The following SLC28A1 variants were observed in gnomAD, a reference collection of about 807,000 sequenced individuals.
The protein encoded by SLC28A1 is sodium/nucleoside cotransporter 1.
A neutral mutation model predicts 74.8 loss-of-function variants in SLC28A1; 64 were observed. The ratio of observed to expected loss-of-function variants is 0.86; its 90% CI spans 0.70 to 1.05. The LOEUF is 1.05. SLC28A1 is among the 50% of genes least tolerant of loss of function. The probability of loss-of-function intolerance (pLI) is 0.00; values close to 1 mark genes in which losing one functional copy is unlikely to be tolerated. For missense variants in SLC28A1, 828 were observed against 822.8 expected, an observed-to-expected ratio of 1.01 and a Z score of -0.08; for synonymous variants, 359 against 335.0, an observed-to-expected ratio of 1.07 and a Z score of -0.78.
chr15:84,908,183 T>TC (rs932907181), intron 8 of SLC28A1, among the ~76,000 whole-genome samples: 2 of 94,428 alleles, frequency 2.1e-5, no homozygotes, highest in Admixed American at 9.7e-5. Flanking sequence ...CATTTCTTTT[T>TC]TTTTTTTTTT....
chr15:84,964,205 C>G, the SLC28A1 span, among the ~76,000 whole-genome samples: 9 of 152,052 alleles, frequency 5.9e-5, no homozygotes, highest in East Asian at 1.7e-3. Flanking sequence ...TTGTTTAAAA[C>G]AGTATCTTTA....
chr15:84,923,540 C>T (rs1970112556), intron 11 of SLC28A1, among the ~76,000 whole-genome samples: 1 of 152,110 alleles, frequency 6.6e-6, no homozygotes, highest in South Asian at 2.1e-4. Flanking sequence ...TCATCCAATG[C>T]CCAAGCTCCT....
the SLC28A1 span, among the ~76,000 whole-genome samples, chr15:84,961,258 G>T: frequency 2.6e-5 from 4 of 152,136 alleles, no homozygotes; most frequent in South Asian, 4.2e-4. Context: ...TTTCAGCCTG[G>T]ATTTCAGGAT....
rs575624723 is a variant in SLC28A1 at position 84,932,402 on chromosome 15, G to T, written c.1084-743G>T. ...ACTTCAGGAAGGGAGAATCCCAGGG[G>T]CTGACATTGCTCTGCCATCTTGCTG... On this transcript the variant is annotated intron_variant, in intron 12 of 18. Transcript: ENST00000394573. 5.3e-5 allele frequency among the ~76,000 whole-genome samples: 8 copies of T among 152,302 alleles called. No homozygotes were observed. The South Asian group carries it at 1.7e-3, about 32-fold the overall frequency.
the SLC28A1 span, among the ~76,000 whole-genome samples, chr15:84,965,439 C>T: frequency 8.3e-4 from 126 of 152,274 alleles, 1 homozygote; most frequent in Non-Finnish European, 1.5e-3. Flanking sequence ...ATGGAAGTCT[C>T]CTCTCTGGAT....
chr15:84,906,387 C>G (rs546639666), intron 8 of SLC28A1, among the ~76,000 whole-genome samples: 1 of 152,208 alleles, frequency 6.6e-6, no homozygotes, highest in Admixed American at 6.5e-5. Flanking sequence ...GTGGATATGG[C>G]TCACTGCAGC....
the SLC28A1 span, among the ~76,000 whole-genome samples, chr15:84,955,841 C>T: frequency 6.6e-6 from 1 of 152,246 alleles, no homozygotes; most frequent in East Asian, 1.9e-4. Flanking sequence ...CCCCTAGGTG[C>T]GGCTCAATTT....
chr15:84,912,577 T>C (rs1003782642), intron 9 of SLC28A1, among the ~76,000 whole-genome samples: 3 of 152,140 alleles, frequency 2.0e-5, no homozygotes, highest in African/African-American at 4.8e-5. Context: ...TCCACCCGCA[T>C]GATCATACTC....
chr15:84,922,104 C>T (rs973137158), intron 11 of SLC28A1, among the ~76,000 whole-genome samples: 1 of 152,142 alleles, frequency 6.6e-6, no homozygotes, highest in Non-Finnish European at 1.5e-5. Flanking sequence ...ATCATTTGAA[C>T]CTCTCTACTT....
chr15:84,911,882 A>T (rs1338704892), intron 9 of SLC28A1, among the ~76,000 whole-genome samples: 2 of 150,168 alleles, frequency 1.3e-5, no homozygotes, highest in Non-Finnish European at 3.0e-5. Context: ...AAAAAAGAAG[A>T]AGAAGAAGAA....
chr15:84,974,144 G>A, the SLC28A1 span, among the ~76,000 whole-genome samples: 10 of 152,256 alleles, frequency 6.6e-5, 1 homozygote, highest in East Asian at 7.7e-4. Context: ...CGATCGTTGC[G>A]GCTGACATTT....
At chr15:84,971,163 G>C in the SLC28A1 span, among the ~76,000 whole-genome samples, 1 of 152,228 alleles carries the variant, frequency 6.6e-6, no homozygotes, top group South Asian at 2.1e-4. Flanking sequence ...GTATCAGTCA[G>C]TGGCCAGCCA....
chr15:84,943,070 C>T (rs985709078), intron 15 of SLC28A1, among the ~76,000 whole-genome samples: 1 of 152,126 alleles, frequency 6.6e-6, no homozygotes, highest in Non-Finnish European at 1.5e-5. Flanking sequence ...CCTATAATCC[C>T]AGCTACTCGG....
At chr15:84,946,110 A>ATTTTT (rs1382844934), downstream of SLC28A1, among the ~76,000 whole-genome samples, 49 of 9,590 alleles carry the variant, frequency 5.1e-3, 1 homozygote, top group African/African-American at 0.014. Flanking sequence ...ATATATATAT[A>ATTTTT]TATTTTTTTT....
the SLC28A1 span, among the ~76,000 whole-genome samples, chr15:84,958,644 C>G: frequency 6.6e-6 from 1 of 152,074 alleles, no homozygotes; most frequent in Non-Finnish European, 1.5e-5. Flanking sequence ...GCTTTGGTCT[C>G]TCAGACTCAA....
intron 12 of SLC28A1, chr15:84,926,425 A>G (rs1343779038): frequency 2.7e-6 from 1 of 368,156 alleles, no homozygotes; most frequent in Non-Finnish European, 5.3e-6. Flanking sequence ...CTGGTCTTGA[A>G]CTCCTGGGCT....
the SLC28A1 span, among the ~76,000 whole-genome samples, chr15:84,963,668 G>A: frequency 6.6e-6 from 1 of 152,330 alleles, no homozygotes; most frequent in South Asian, 2.1e-4. Flanking sequence ...CACCAGGCCA[G>A]TCCATGATGG....
chr15:84,884,776 G>A (rs1165606518), intron 1 of SLC28A1, 25 bp downstream of exon 1: 3 of 981,938 alleles, frequency 3.1e-6, no homozygotes, highest in Non-Finnish European at 2.4e-6. Flanking sequence ...CAGTAGGAGA[G>A]GAGGGAAGGC....
intron 6 of SLC28A1, among the ~76,000 whole-genome samples, chr15:84,899,912 A>G (rs1002027720): frequency 1.1e-4 from 16 of 146,118 alleles, no homozygotes; most frequent in African/African-American, 4.0e-4. Flanking sequence ...AAAGAAAGAG[A>G]AAGAGGGAAA....
Sources: allele counts gnomAD v4.1 joint callset (sites outside exome capture counted in the v4.1 genomes callset), GRCh38; gene constraint gnomAD v4.1.1; transcripts MANE v1.5; gene names NCBI Gene and HGNC (gene_info 2026-07-23, HGNC 2026-07-21).